Variants in FNTB observed in about 807,000 individuals in gnomAD.
The protein encoded by FNTB is protein farnesyltransferase subunit beta.
FNTB carries 27 observed loss-of-function variants against 59.4 expected under a neutral mutation model. That is an observed-to-expected ratio of 0.45 (90% CI 0.34 to 0.63). The LOEUF (loss-of-function observed/expected upper bound fraction) is 0.63, where lower values mean the gene tolerates loss of function less well. Among genes scored for constraint, FNTB ranks in the 20% least tolerant of loss-of-function variants. FNTB has a pLI of 0.02. For missense variants in FNTB, 449 were observed against 559.6 expected, an observed-to-expected ratio of 0.80 and a Z score of 1.99; for synonymous variants, 230 against 220.7, an observed-to-expected ratio of 1.04 and a Z score of -0.37.
chr14:65,046,063 GC>G (rs931323291), intron 9 of FNTB, among the ~76,000 whole-genome samples: 3 of 152,044 alleles, frequency 2.0e-5, no homozygotes, highest in Non-Finnish European at 4.4e-5. Flanking sequence ...TGCAACCTCT[GC>G]CCCCTGGGTT....
At chr14:65,015,571 G>A (rs1595024691) in intron 3 of FNTB, 54 bp from the exon 4 acceptor site, 1 of 1,597,422 alleles carries the variant, frequency 6.3e-7, no homozygotes. Context: ...CTTGGCAGCA[G>A]TGTCTTGGAG....
At chr14:65,024,328 A>AT (rs36123699) in intron 4 of FNTB, among the ~76,000 whole-genome samples, 37,896 of 151,856 alleles carry the variant, frequency 0.25, 4,924 homozygotes, top group Non-Finnish European at 0.3. Context: ...GGGTGTTGGG[A>AT]TTTTTTTAAA....
chr14:65,052,673 G>A (rs931922352), intron 9 of FNTB, among the ~76,000 whole-genome samples: 30 of 152,202 alleles, frequency 2.0e-4, no homozygotes, highest in African/African-American at 6.5e-4. Flanking sequence ...TATGATGCAG[G>A]AGGGCAGTTA....
Position 65,053,322 on chromosome 14 carries a change from C to CG in FNTB, c.1047dup (p.Leu350AlafsTer4), listed in dbSNP as rs768774237. ...ATCCTGATGTGCTGCCAGTGCCCTG[C>CG]GGGGGGGCTTCTGGATAAACCTGGC... On this transcript the variant is annotated frameshift_variant, in exon 10 of 12. Coordinates refer to ENST00000246166, the MANE Select transcript of FNTB (RefSeq NM_002028.4). LOFTEE classifies it high-confidence loss of function. The CG allele has an allele frequency of 4.5e-5, 64 of 1,437,036 alleles. No individual in the cohort carries two copies. The highest frequency in any genetic ancestry group is 1.4e-4 in the South Asian group (9 of 63,140). The allele number at this position is 1,437,036 out of a possible 1,614,324, so 89.0% of individuals were successfully genotyped here.
intron 4 of FNTB, among the ~76,000 whole-genome samples, chr14:65,017,849 G>A (rs1292311655): frequency 2.0e-5 from 3 of 152,152 alleles, no homozygotes; most frequent in South Asian, 4.1e-4. Flanking sequence ...CAGCTACTCG[G>A]GAGGCTGAGG....
At position 65,014,208 on chromosome 14, in the gene FNTB, T is replaced by A. The variant is rs761231922; in HGVS notation, c.283-1417T>A. 1.6e-4 allele frequency among the ~76,000 whole-genome samples: 25 copies of A among 152,226 alleles called. No individual in the cohort carries two copies. The highest frequency in any genetic ancestry group is 3.1e-4 in the Non-Finnish European group (21 of 68,038). On this transcript the variant is annotated intron_variant, in intron 3 of 11. Coordinates refer to ENST00000246166, the MANE Select transcript of FNTB (RefSeq NM_002028.4). The surrounding 1 kb of genome is among the most constrained non-coding windows in gnomAD (Gnocchi z 5.1). ...TAATCTTTGGACCTCATTTATATAT[T>A]TTAATTTATAAAACTGGGGCAGTAC...
rs750596724 is a variant in FNTB at position 65,044,466 on chromosome 14, T to C, written c.955+23T>C. 6 of 1,587,854 alleles carry C rather than the reference T, an allele frequency of 3.8e-6. No homozygotes were observed. Among genetic ancestry groups the C allele is most frequent in the South Asian group, 1.2e-5 (1 of 86,788 alleles). ...AAGGTGAGCCTGGGGAGCTGTTCACTTGGGGCTGGATGATTTCCCTCCACT... is the reference window on the plus strand; with the variant it reads ...AAGGTGAGCCTGGGGAGCTGTTCACCTGGGGCTGGATGATTTCCCTCCACT... On this transcript the variant is annotated intron_variant, in intron 9 of 11. Transcript: ENST00000246166. This position sits in a 1 kb window ranked among gnomAD's most constrained non-coding sequence, Gnocchi z 5.5.
intron 2 of FNTB, among the ~76,000 whole-genome samples, chr14:65,005,857 T>G (rs2139484523): frequency 6.6e-6 from 1 of 152,278 alleles, no homozygotes; most frequent in Middle Eastern, 3.4e-3. Context: ...TGCTCAGGCT[T>G]GTCTTGAGCT....
Position 65,028,255 on chromosome 14 carries a change from G to A in FNTB, c.605+474G>A, listed in dbSNP as rs1407685836. On this transcript the variant is annotated intron_variant, in intron 6 of 11. Coordinates refer to ENST00000246166, the MANE Select transcript of FNTB (RefSeq NM_002028.4). The surrounding 1 kb of genome is among the most constrained non-coding windows in gnomAD (Gnocchi z 4.4). ...GGAGGTGCAGAGAGCCTTGTGGGCC[G>A]GGAGAGTGCAGTGCAATAAAATCGC... Among the ~76,000 whole-genome samples, 3 of 152,132 alleles carry A rather than the reference G, an allele frequency of 2.0e-5. No homozygotes were observed. The highest frequency in any genetic ancestry group is 6.5e-5 in the Admixed American group (1 of 15,272).
In FNTB at chr14:65,054,754, A is replaced by C; in HGVS notation, c.1182+65A>C. On this transcript the variant is annotated intron_variant, in intron 11 of 11. Transcript: ENST00000246166. The surrounding 1 kb of genome is among the most constrained non-coding windows in gnomAD (Gnocchi z 4.4). ...GACCTCGCGGACAGAAGGCTTTCCA[A>C]GTAAGCAGAACTGGCTCTGCATTTC... is the stretch of plus-strand genomic sequence containing the variant. The C allele has an allele frequency of 6.6e-7, 1 of 1,515,230 alleles. No individual in the cohort carries two copies. The highest frequency in any genetic ancestry group is 9.0e-7 in the Non-Finnish European group (1 of 1,115,128). The allele number at this position is 1,515,230 out of a possible 1,614,324, so 93.9% of individuals were successfully genotyped here.
intron 11 of FNTB, among the ~76,000 whole-genome samples, chr14:65,058,241 C>T (rs906840347): frequency 6.7e-6 from 1 of 149,656 alleles, no homozygotes; most frequent in Non-Finnish European, 1.5e-5. Flanking sequence ...ATAATTTTTT[C>T]CATAAAGGAC....
chr14:65,034,977 C>T (rs1221277962), intron 7 of FNTB, among the ~76,000 whole-genome samples: 1 of 152,242 alleles, frequency 6.6e-6, no homozygotes, highest in Non-Finnish European at 1.5e-5. Context: ...AAGCTACAAA[C>T]TGTCACTCAT....
chr14:65,057,121 G>A (rs1055364229), intron 11 of FNTB, among the ~76,000 whole-genome samples: 16 of 152,272 alleles, frequency 1.1e-4, no homozygotes, highest in Admixed American at 7.8e-4. Context: ...GCACTCCTGA[G>A]GGATCCACCC....
chr14:65,046,301 T>C (rs962895152), intron 9 of FNTB, among the ~76,000 whole-genome samples: 4 of 152,302 alleles, frequency 2.6e-5, no homozygotes, highest in East Asian at 1.9e-4. Flanking sequence ...AGAAAAAAAC[T>C]TGGGGTCATG....
At chr14:65,039,170 T>TG (rs745413394) in intron 7 of FNTB, among the ~76,000 whole-genome samples, 3 of 152,244 alleles carry the variant, frequency 2.0e-5, no homozygotes, top group East Asian at 1.9e-4. Context: ...AGCCATTCAT[T>TG]GGGGAATTCT....
intron 1 of FNTB, among the ~76,000 whole-genome samples, chr14:64,992,237 C>T (rs1888228078): frequency 6.6e-6 from 1 of 152,116 alleles, no homozygotes; most frequent in Non-Finnish European, 1.5e-5. Flanking sequence ...ATCAAAATTT[C>T]CCCATTAAAA....
At chr14:65,026,324 C>T (rs1176142544) in intron 4 of FNTB, among the ~76,000 whole-genome samples, 1 of 152,214 alleles carries the variant, frequency 6.6e-6, no homozygotes, top group Non-Finnish European at 1.5e-5. Flanking sequence ...TAAAGCAAGA[C>T]TGTAACCTCT....
At chr14:65,035,622 T>G (rs1456422820) in intron 7 of FNTB, among the ~76,000 whole-genome samples, 2 of 152,098 alleles carry the variant, frequency 1.3e-5, no homozygotes, top group African/African-American at 4.8e-5. Context: ...CACCACCTCC[T>G]GGGCTCAAGC....
At chr14:65,021,710 A>G (rs2061888864) in intron 4 of FNTB, among the ~76,000 whole-genome samples, 1 of 152,094 alleles carries the variant, frequency 6.6e-6, no homozygotes, top group African/African-American at 2.4e-5. Context: ...CACTGGTGCA[A>G]TCTCAGCTCA....
Sources: gnomAD v4.1 joint callset for allele counts (sites outside exome capture counted in the v4.1 genomes callset) on GRCh38, gnomAD v4.1.1 for gene constraint, Gnocchi (gnomAD v3.1) non-coding constraint, MANE v1.5 for transcripts, NCBI Gene and HGNC (gene_info 2026-07-23, HGNC 2026-07-21) for gene names.